The following TAAR5 variants were observed in gnomAD, a reference collection of about 807,000 sequenced individuals.
TAAR5 encodes trace amine associated receptor 5, also known as trace amine-associated receptor 5.
TAAR5 carries 27 observed loss-of-function variants against 21.1 expected under a neutral mutation model. The observed-to-expected ratio is 1.28, with a 90% confidence interval of 0.94 to 1.76. The LOEUF (loss-of-function observed/expected upper bound fraction) is 1.76, where lower values mean the gene tolerates loss of function less well. Ranked by LOEUF, TAAR5 falls within the 40% of genes most tolerant of loss-of-function variation. The pLI, the probability that TAAR5 is intolerant of heterozygous loss-of-function variation, is 0.00. For missense variants in TAAR5, 495 were observed against 405.6 expected (o/e 1.22, Z -1.89); for synonymous variants, 203 against 167.5 (o/e 1.21, Z -1.64).
the TAAR5 span, chr6:132,609,128 C>G: frequency 2.4e-6 from 1 of 415,008 alleles, no homozygotes; most frequent in South Asian, 1.8e-5. Flanking sequence ...ACCATTATAA[C>G]CAAGTTTCCG....
the TAAR5 span, among the ~76,000 whole-genome samples, chr6:132,600,951 AAGAAGGAG>A: frequency 1.9e-5 from 1 of 51,852 alleles, no homozygotes; most frequent in Non-Finnish European, 3.7e-5. Context: ...GAGGGAAAGA[AAGAAGGAG>A]GGAAGGAGGG....
chr6:132,603,316 A>T, the TAAR5 span, among the ~76,000 whole-genome samples: 3 of 151,630 alleles, frequency 2.0e-5, no homozygotes, highest in Admixed American at 2.0e-4. Context: ...AAAAAAAAAA[A>T]AAAAAAGAAA....
At chr6:132,608,756 C>A in the TAAR5 span, 1 of 455,862 alleles carries the variant, frequency 2.2e-6, no homozygotes, top group Non-Finnish European at 4.4e-6. Flanking sequence ...CTCTGCATAC[C>A]GGAAACATCG....
rs767914005 is a variant in TAAR5, at chr6:132,589,710, T to A, written c.-24A>T. The A allele has an allele frequency of 3.2e-6, 4 of 1,234,926 alleles. No individual in the cohort carries two copies. The highest frequency in any genetic ancestry group is 4.2e-6 in the Non-Finnish European group (4 of 960,908). The allele number at this position is 1,234,926 out of a possible 1,614,324, so 76.5% of individuals were successfully genotyped here. A position where few individuals can be genotyped will look rare whatever the true frequency, so the allele number is the denominator to read the frequency against. Reference sequence around the variant, plus strand: ...ATTTATGATTTCTACTCTTCCTCTGTCTGAGAACTGGCCACCTTCTCCACT... The same window carrying A: ...ATTTATGATTTCTACTCTTCCTCTGACTGAGAACTGGCCACCTTCTCCACT... On this transcript the variant is annotated 5_prime_UTR_variant, in exon 1 of 1. Transcript: ENST00000258034.
At chr6:132,607,050 C>T in the TAAR5 span, among the ~76,000 whole-genome samples, 1 of 151,886 alleles carries the variant, frequency 6.6e-6, no homozygotes, top group African/African-American at 2.4e-5. Context: ...CAAAAGGTTG[C>T]CGGGTGTGAT....
upstream of TAAR5, among the ~76,000 whole-genome samples, chr6:132,591,993 G>A (rs919136194): frequency 6.6e-6 from 1 of 152,182 alleles, no homozygotes; most frequent in African/African-American, 2.4e-5. Context: ...TGGATATCTA[G>A]TGCAGATAAC....
chr6:132,614,203 T>C, the TAAR5 span, among the ~76,000 whole-genome samples: 1 of 152,212 alleles, frequency 6.6e-6, no homozygotes, highest in African/African-American at 2.4e-5. Flanking sequence ...AATTTAAGAC[T>C]GAAATCTAAA....
At chr6:132,605,491 G>C in the TAAR5 span, among the ~76,000 whole-genome samples, 1 of 152,160 alleles carries the variant, frequency 6.6e-6, no homozygotes, top group African/African-American at 2.4e-5. Flanking sequence ...TCTACAGACA[G>C]TTCTCATTCT....
At chr6:132,609,535 TCATCCATCTATC>T in the TAAR5 span, among the ~76,000 whole-genome samples, 4 of 152,220 alleles carry the variant, frequency 2.6e-5, no homozygotes, top group Admixed American at 1.3e-4. Flanking sequence ...TAACTCCATT[TCATCCATCTATC>T]CATCCATCTA....
chr6:132,613,580 CACTG>C, the TAAR5 span, among the ~76,000 whole-genome samples: 2 of 152,150 alleles, frequency 1.3e-5, no homozygotes, highest in African/African-American at 4.8e-5. Context: ...TAGTTTTAAG[CACTG>C]ACTAAGGTTG....
upstream of TAAR5, among the ~76,000 whole-genome samples, chr6:132,593,030 G>A (rs923479610): frequency 6.6e-6 from 1 of 152,138 alleles, no homozygotes; most frequent in African/African-American, 2.4e-5. Flanking sequence ...GAAAGTACTT[G>A]CTCAAACTTG....
rs1325700115 is a variant in TAAR5 at position 132,589,445 on chromosome 6, A to G, written c.242T>C (p.Met81Thr). The change falls in exon 1 of 1, where the codon ATG (methionine) becomes ACG (threonine). Residue 81 changes from methionine to threonine, a missense_variant. By Grantham distance (81) the Met-to-Thr change is moderately conservative (BLOSUM62 -1). Coordinates refer to ENST00000258034, the MANE Select transcript of TAAR5 (RefSeq NM_003967.3). ...FLLLSLALAD[M>T]FLGLLVLPLS... ...GGGCAGCACCAGCAGACCCAGAAAC[A>G]TGTCAGCCAGGGCCAGGGAGAGCAG... 3.1e-6 allele frequency: 5 copies of G among 1,613,804 alleles called. No individual in the cohort carries two copies. Among genetic ancestry groups the G allele is most frequent in the Middle Eastern group, 1.6e-4 (1 of 6,082 alleles).
the TAAR5 span, among the ~76,000 whole-genome samples, chr6:132,600,794 AG>A: frequency 7.5e-6 from 1 of 133,742 alleles, no homozygotes; most frequent in African/African-American, 2.8e-5. Context: ...GGAGGGAAGG[AG>A]GGGAGGAAGG....
At position 132,588,830 on chromosome 6, in the gene TAAR5, A is replaced by T; in HGVS notation, c.857T>A (p.Val286Asp). Residue 286 changes from valine to aspartate, a missense_variant, in exon 1 of 1, where the codon GTC becomes GAC. Val to Asp is a radical substitution (Grantham distance 152, BLOSUM62 -3). Transcript: ENST00000258034. The stretch of plus-strand genomic sequence containing the variant: ...AGCAAACCAGATAAAGATGTCAAAG[A>T]CCAGTGGGGGTGTGATAAAGTGAAG... ...SLLHFITPPL[V>D]FDIFIWFAYF... The T allele has an allele frequency of 6.2e-7, 1 of 1,614,072 alleles. No homozygotes were observed. The highest frequency in any genetic ancestry group is 8.5e-7 in the Non-Finnish European group (1 of 1,179,984).
chr6:132,599,677 A>C, the TAAR5 span, among the ~76,000 whole-genome samples: 2 of 152,044 alleles, frequency 1.3e-5, no homozygotes, highest in Non-Finnish European at 2.9e-5. Context: ...TATTTAAATC[A>C]ACTGGTAAGG....
the TAAR5 span, among the ~76,000 whole-genome samples, chr6:132,614,457 C>A: frequency 6.6e-6 from 1 of 152,176 alleles, no homozygotes; most frequent in South Asian, 2.1e-4. Flanking sequence ...CCCATTTCAA[C>A]AATTTCTGAT....
the TAAR5 span, among the ~76,000 whole-genome samples, chr6:132,599,318 CTTTTCTTTTTT>C: frequency 9.1e-6 from 1 of 109,818 alleles, no homozygotes; most frequent in African/African-American, 3.4e-5. Flanking sequence ...CAAAGCTTTT[CTTTTCTTTTTT>C]TTTTTTTTTT....
At chr6:132,605,825 T>G in the TAAR5 span, among the ~76,000 whole-genome samples, 1 of 142,790 alleles carries the variant, frequency 7.0e-6, no homozygotes, top group East Asian at 1.9e-4. Flanking sequence ...ATCTCAGCAC[T>G]ATTCACAATA....
chr6:132,592,200 T>C (rs555573611), upstream of TAAR5, among the ~76,000 whole-genome samples: 9 of 152,382 alleles, frequency 5.9e-5, no homozygotes, highest in Non-Finnish European at 1.0e-4. Context: ...TTCTTTTAAA[T>C]CTCCCCGCTG....
Sources: gnomAD v4.1 joint callset for allele counts (sites outside exome capture counted in the v4.1 genomes callset) on GRCh38, gnomAD v4.1.1 for gene constraint, MANE v1.5 for transcripts, NCBI Gene and HGNC (gene_info 2026-07-23, HGNC 2026-07-21) for gene names.